Variants in NPAS3 observed in about 807,000 individuals in gnomAD.
NPAS3 encodes the protein neuronal PAS domain-containing protein 3.
In NPAS3, 14 loss-of-function variants were observed where a neutral mutation model predicts 73.1. The observed-to-expected ratio is 0.19, with a 90% CI of 0.13 to 0.30. The LOEUF is 0.30. NPAS3 is among the 10% of genes least tolerant of loss of function. The pLI is 1.00. For synonymous variants in NPAS3, 620 were observed against 541.5 expected (o/e 1.14, Z -2.01); for missense variants, 1,096 against 1,250.0 (o/e 0.88, Z 1.86).
At chr14:33,376,863 T>C (rs1566846413) in intron 4 of NPAS3, among the ~76,000 whole-genome samples, 1 of 152,194 alleles carries the variant, frequency 6.6e-6, no homozygotes, top group South Asian at 2.1e-4. Flanking sequence ...CAAAATAGTT[T>C]AGTTGAAAGT....
intron 1 of NPAS3, among the ~76,000 whole-genome samples, chr14:33,054,610 CTGAGTTT>C (rs1265542640): frequency 1.4e-4 from 14 of 100,070 alleles, no homozygotes; most frequent in Admixed American, 8.6e-4. Context: ...AAAAACTTAT[CTGAGTTT>C]TTTTTTTTTT....
intron 2 of NPAS3, among the ~76,000 whole-genome samples, chr14:33,087,764 G>C (rs1212182111): frequency 1.3e-5 from 2 of 152,104 alleles, no homozygotes; most frequent in Non-Finnish European, 2.9e-5. Context: ...TTCTGGTATT[G>C]TGTTTAAAGT....
intron 2 of NPAS3, among the ~76,000 whole-genome samples, chr14:33,180,743 G>A (rs1239755604): frequency 7.3e-6 from 1 of 137,708 alleles, no homozygotes; most frequent in East Asian, 2.1e-4. Context: ...AGCTTGCAGT[G>A]AGCAGAGATC....
chr14:33,715,783 C>T (rs1270454811), intron 6 of NPAS3, among the ~76,000 whole-genome samples: 2 of 152,174 alleles, frequency 1.3e-5, no homozygotes, highest in Non-Finnish European at 2.9e-5. Context: ...ACGTGTCATT[C>T]GAGGGACCCA....
chr14:33,633,621 A>C (rs1000363465), intron 5 of NPAS3, among the ~76,000 whole-genome samples: 4 of 152,198 alleles, frequency 2.6e-5, no homozygotes, highest in Admixed American at 2.6e-4. Context: ...AACATAGAAA[A>C]GGCATAGTAA....
At chr14:33,588,609 T>A (rs2056951548) in intron 5 of NPAS3, among the ~76,000 whole-genome samples, 1 of 152,208 alleles carries the variant, frequency 6.6e-6, no homozygotes, top group South Asian at 2.1e-4. Flanking sequence ...AGTTTTATCA[T>A]AAAAGATTTT....
intron 4 of NPAS3, among the ~76,000 whole-genome samples, chr14:33,471,618 T>C (rs2050785249): frequency 6.6e-6 from 1 of 152,198 alleles, no homozygotes; most frequent in African/African-American, 2.4e-5. Context: ...ATTATATAAA[T>C]GCAAAACCAG....
chr14:33,731,553 C>A (rs2061403272), intron 6 of NPAS3, among the ~76,000 whole-genome samples: 1 of 152,042 alleles, frequency 6.6e-6, no homozygotes, highest in South Asian at 2.1e-4. Context: ...TAGTTTCAGC[C>A]CAGTGAGAAC....
In NPAS3 at chr14:33,268,623, G is replaced by A. The variant is rs117456031; in HGVS notation, c.385+53197G>A. ...CACTCCATGAGGAACTTATCAGTCA[G>A]CTATGATATGCCTATCACTTACTGA... On this transcript the variant is annotated intron_variant, in intron 3 of 11. Transcript: ENST00000356141. Among the ~76,000 whole-genome samples, 219 of 152,272 alleles carry A rather than the reference G, an allele frequency of 1.4e-3. 5 individuals carry two copies. Among genetic ancestry groups the A allele is most frequent in the Admixed American group, 0.013 (204 of 15,288 alleles).
intron 4 of NPAS3, among the ~76,000 whole-genome samples, chr14:33,442,146 G>A (rs1008734565): frequency 1.3e-5 from 2 of 152,196 alleles, no homozygotes; most frequent in Non-Finnish European, 2.9e-5. Flanking sequence ...AGACTGGGGG[G>A]AGGACTAAAT....
At chr14:33,454,152 T>A (rs572798532) in intron 4 of NPAS3, among the ~76,000 whole-genome samples, 1 of 152,342 alleles carries the variant, frequency 6.6e-6, no homozygotes, top group South Asian at 2.1e-4. Context: ...TTTACCCACA[T>A]AACAACAGAT....
At chr14:33,378,451 C>T (rs569587755) in intron 4 of NPAS3, among the ~76,000 whole-genome samples, 1 of 152,202 alleles carries the variant, frequency 6.6e-6, no homozygotes, top group East Asian at 1.9e-4. Flanking sequence ...GCCTGACCAA[C>T]ATGGCGAAAC....
chr14:33,491,882 T>G (rs1293607226), intron 4 of NPAS3, among the ~76,000 whole-genome samples: 1 of 152,152 alleles, frequency 6.6e-6, no homozygotes, highest in African/African-American at 2.4e-5. Flanking sequence ...TCTGCTGAAA[T>G]GTACACATAG....
chr14:33,281,451 C>A (rs545138536), intron 3 of NPAS3, among the ~76,000 whole-genome samples: 26 of 152,074 alleles, frequency 1.7e-4, no homozygotes, highest in Admixed American at 1.1e-3. Flanking sequence ...GGCAACATGG[C>A]AAAAACTCGG....
intron 4 of NPAS3, among the ~76,000 whole-genome samples, chr14:33,448,690 G>A (rs1452919741): frequency 6.6e-6 from 1 of 152,162 alleles, no homozygotes; most frequent in Non-Finnish European, 1.5e-5. Flanking sequence ...ATCATAATGA[G>A]GAACATCTCT....
chr14:33,465,614 A>C (rs2050471884), intron 4 of NPAS3, among the ~76,000 whole-genome samples: 1 of 152,218 alleles, frequency 6.6e-6, no homozygotes, highest in African/African-American at 2.4e-5. Context: ...CAGAAACTGA[A>C]GCCTAGAAAA....
intron 1 of NPAS3, among the ~76,000 whole-genome samples, chr14:33,004,444 A>G (rs1210346447): frequency 6.6e-6 from 1 of 152,190 alleles, no homozygotes; most frequent in Non-Finnish European, 1.5e-5. Context: ...AAAATACAGA[A>G]AAAAGAAGAG....
At position 32,989,643 on chromosome 14, in the gene NPAS3, A is replaced by AAAC. The variant is rs140844361; in HGVS notation, c.50+50304_50+50306dup. On this transcript the variant is annotated intron_variant, in intron 1 of 11. Transcript: ENST00000356141. ...CTGGGCGACAGCGAGACTCGGTCTC[A>AAAC]AACAACAACAACAACAACAACAACA... Among the ~76,000 whole-genome samples the AAAC allele has an allele frequency of 2.4e-3, 365 of 151,366 alleles. 1 individual carries two copies. Among genetic ancestry groups the AAAC allele is most frequent in the Middle Eastern group, 6.8e-3 (2 of 294 alleles).
At chr14:33,002,023 T>G (rs2139574456) in intron 1 of NPAS3, among the ~76,000 whole-genome samples, 1 of 152,334 alleles carries the variant, frequency 6.6e-6, no homozygotes, top group Admixed American at 6.5e-5. Context: ...TATTATTTTG[T>G]ACATTTCTGG....
Sources: gnomAD v4.1 joint callset for allele counts (sites outside exome capture counted in the v4.1 genomes callset) on GRCh38, gnomAD v4.1.1 for gene constraint, MANE v1.5 for transcripts, NCBI Gene and HGNC (gene_info 2026-07-23, HGNC 2026-07-21) for gene names.